GLIS1: variants seen among roughly 807,000 people sequenced by gnomAD.
GLIS1 encodes GLIS family zinc finger 1.
A neutral mutation model predicts 63.8 loss-of-function variants in GLIS1; 24 were observed. The ratio of observed to expected loss-of-function variants is 0.38; its 90% CI spans 0.27 to 0.53. The LOEUF (loss-of-function observed/expected upper bound fraction) is 0.53, where lower values mean the gene tolerates loss of function less well. Among genes scored for constraint, GLIS1 ranks in the 20% least tolerant of loss-of-function variants. GLIS1 has a pLI of 0.85. For missense variants in GLIS1, 1,036 were observed against 1,074.1 expected (o/e 0.96, Z 0.50); for synonymous variants, 450 against 482.5 (o/e 0.93, Z 0.88).
chr1:53,597,619 C>T (rs962237725), intron 3 of GLIS1, among the ~76,000 whole-genome samples: 4 of 152,010 alleles, frequency 2.6e-5, no homozygotes, highest in African/African-American at 4.8e-5. Context: ...GAGGGGCAGG[C>T]GCCGAGAGTG....
chr1:53,696,154 C>T (rs1419964157), intron 2 of GLIS1, among the ~76,000 whole-genome samples: 1 of 152,266 alleles, frequency 6.6e-6, no homozygotes, highest in South Asian at 2.1e-4. Flanking sequence ...GCGGTTAATG[C>T]TTTGCTCGGC....
intron 4 of GLIS1, among the ~76,000 whole-genome samples, chr1:53,530,319 T>G (rs1373880585): frequency 6.6e-6 from 1 of 152,120 alleles, no homozygotes; most frequent in Non-Finnish European, 1.5e-5. Flanking sequence ...CACAGAGAGC[T>G]GAAATAGGGA....
chr1:53,537,128 G>A (rs1396096745), intron 4 of GLIS1, among the ~76,000 whole-genome samples: 1 of 152,216 alleles, frequency 6.6e-6, no homozygotes, highest in East Asian at 1.9e-4. Flanking sequence ...GCCATCCCAG[G>A]AGCCAGGCAG....
intron 10 of GLIS1, among the ~76,000 whole-genome samples, chr1:53,507,047 A>G (rs1644241855): frequency 6.6e-6 from 1 of 152,044 alleles, no homozygotes; most frequent in African/African-American, 2.4e-5. Flanking sequence ...GAGGTCCATC[A>G]CCAGGGCTGG....
At chr1:53,695,584 A>G (rs1248020395) in intron 2 of GLIS1, among the ~76,000 whole-genome samples, 2 of 152,226 alleles carry the variant, frequency 1.3e-5, no homozygotes, top group Non-Finnish European at 2.9e-5. Context: ...CGGAGGGCTC[A>G]GCCCGACCCT....
intron 2 of GLIS1, among the ~76,000 whole-genome samples, chr1:53,703,085 C>T (rs555370599): frequency 1.3e-5 from 2 of 152,356 alleles, no homozygotes; most frequent in South Asian, 2.1e-4. Flanking sequence ...GCCTCTGCTA[C>T]ATTAAATGTA....
chr1:53,619,073 CG>C (rs963902185), intron 2 of GLIS1, among the ~76,000 whole-genome samples: 14 of 152,232 alleles, frequency 9.2e-5, no homozygotes, highest in African/African-American at 3.4e-4. Context: ...GATCCAGAGG[CG>C]GGGCTGGTCT....
intron 2 of GLIS1, among the ~76,000 whole-genome samples, chr1:53,684,282 GGGCTGGCACCCAGAA>G (rs1352754743): frequency 1.3e-5 from 2 of 152,090 alleles, no homozygotes; most frequent in Non-Finnish European, 2.9e-5. Flanking sequence ...ACTCAACACA[GGGCTGGCACCCAGAA>G]GGTGTTGTGT....
intron 2 of GLIS1, among the ~76,000 whole-genome samples, chr1:53,649,070 A>T (rs1185309128): frequency 6.6e-6 from 1 of 152,222 alleles, no homozygotes; most frequent in Non-Finnish European, 1.5e-5. Flanking sequence ...GATTTGCAAC[A>T]ATTTGAAAAA....
chr1:53,734,486 C>G (rs1482471460), intron 2 of GLIS1, among the ~76,000 whole-genome samples: 5 of 152,230 alleles, frequency 3.3e-5, no homozygotes, highest in African/African-American at 1.2e-4. Context: ...GAACCAGAAT[C>G]AAATATTTGC....
At chr1:53,675,891 C>T (rs1470324434) in intron 2 of GLIS1, among the ~76,000 whole-genome samples, 4 of 151,758 alleles carry the variant, frequency 2.6e-5, no homozygotes, top group Admixed American at 2.6e-4. Flanking sequence ...CCTACCCCAC[C>T]CCATCCCACC....
At chr1:53,632,028 G>A (rs1025585771) in intron 2 of GLIS1, among the ~76,000 whole-genome samples, 1 of 148,918 alleles carries the variant, frequency 6.7e-6, no homozygotes, top group Admixed American at 6.6e-5. Flanking sequence ...GACTGAGACC[G>A]GGGGAGTAAG....
intron 2 of GLIS1, among the ~76,000 whole-genome samples, chr1:53,715,919 AGGCATGGT>A (rs1646693922): frequency 6.6e-6 from 1 of 152,182 alleles, no homozygotes; most frequent in Non-Finnish European, 1.5e-5. Context: ...AGACGCAGGA[AGGCATGGT>A]GGCTTTGCTT....
intron 2 of GLIS1, among the ~76,000 whole-genome samples, chr1:53,608,984 G>C (rs972235154): frequency 6.6e-6 from 1 of 152,142 alleles, no homozygotes; most frequent in Non-Finnish European, 1.5e-5. Flanking sequence ...TGGAGGACAA[G>C]GTCAATAAAA....
intron 2 of GLIS1, among the ~76,000 whole-genome samples, chr1:53,613,451 G>T (rs1245627892): frequency 6.6e-6 from 1 of 152,148 alleles, no homozygotes; most frequent in Non-Finnish European, 1.5e-5. Flanking sequence ...TAACAGAAAA[G>T]AATAGGAGAT....
chr1:53,527,026 C>T (rs1644477853), intron 5 of GLIS1, among the ~76,000 whole-genome samples: 1 of 152,250 alleles, frequency 6.6e-6, no homozygotes, highest in Admixed American at 6.5e-5. Context: ...GAGCGCTCCC[C>T]TGTGCAGGCC....
At chr1:53,625,399 G>A (rs1352811515) in intron 2 of GLIS1, among the ~76,000 whole-genome samples, 2 of 152,192 alleles carry the variant, frequency 1.3e-5, no homozygotes, top group African/African-American at 4.8e-5. Context: ...CACAGATGGG[G>A]CCTGAGTGAC....
intron 2 of GLIS1, among the ~76,000 whole-genome samples, chr1:53,647,974 C>T (rs1318291540): frequency 6.6e-6 from 1 of 152,032 alleles, no homozygotes; most frequent in Admixed American, 6.6e-5. Flanking sequence ...GAGTTCAAGA[C>T]CAATCTGGTC....
chr1:53,689,513 G>A (rs372703732), intron 2 of GLIS1, among the ~76,000 whole-genome samples: 2 of 152,132 alleles, frequency 1.3e-5, no homozygotes, highest in African/African-American at 4.8e-5. Context: ...ACCAGAGCAA[G>A]TGACCACAGA....
Sources: allele counts gnomAD v4.1 joint callset (sites outside exome capture counted in the v4.1 genomes callset), GRCh38; gene constraint gnomAD v4.1.1; transcripts MANE v1.5; gene names NCBI Gene and HGNC (gene_info 2026-07-23, HGNC 2026-07-21).